The following RSF1 variants were observed in gnomAD, a reference collection of about 807,000 sequenced individuals.
RSF1 encodes the protein remodeling and spacing factor 1.
A neutral mutation model predicts 145.2 loss-of-function variants in RSF1; 13 were observed. The ratio of observed to expected loss-of-function variants is 0.09; its 90% confidence interval spans 0.06 to 0.14. The LOEUF is 0.14. Among genes scored for constraint, RSF1 ranks in the 10% least tolerant of loss-of-function variants. RSF1 has a pLI of 1.00. For missense variants in RSF1, 1,517 were observed against 1,718.2 expected, an observed-to-expected ratio of 0.88 and a Z score of 2.07; for synonymous variants, 577 against 592.6, an observed-to-expected ratio of 0.97 and a Z score of 0.38.
At chr11:77,769,986 TTGG>T (rs2135943529) in intron 1 of RSF1, among the ~76,000 whole-genome samples, 1 of 152,340 alleles carries the variant, frequency 6.6e-6, no homozygotes, top group African/African-American at 2.4e-5. Flanking sequence ...AGAAACTCTC[TTGG>T]GGGAGCAGTT....
the RSF1 span, among the ~76,000 whole-genome samples, chr11:77,863,520 C>T: frequency 6.6e-6 from 1 of 152,172 alleles, no homozygotes; most frequent in African/African-American, 2.4e-5. Context: ...TCCTGAGTAG[C>T]TGGGATTACA....
intron 5 of RSF1, among the ~76,000 whole-genome samples, chr11:77,725,001 T>C (rs1961020206): frequency 6.6e-6 from 1 of 152,098 alleles, no homozygotes; most frequent in African/African-American, 2.4e-5. Context: ...AGTGCAAGCA[T>C]TATGATTCCT....
At chr11:77,693,423 A>G (rs1167389990) in intron 8 of RSF1, 84 bp downstream of exon 8, 1 of 832,482 alleles carries the variant, frequency 1.2e-6, no homozygotes, top group Non-Finnish European at 2.0e-6. Flanking sequence ...TTGAAGGTTA[A>G]AAATATTCAT....
chr11:77,820,919 C>T (rs1365450349), upstream of RSF1: 1 of 576,116 alleles, frequency 1.7e-6, no homozygotes, highest in Non-Finnish European at 3.0e-6. Context: ...GGAGACAGAG[C>T]GGCCCTCGGC....
intron 5 of RSF1, among the ~76,000 whole-genome samples, chr11:77,718,659 A>C (rs1960873899): frequency 6.6e-6 from 1 of 152,228 alleles, no homozygotes; most frequent in Non-Finnish European, 1.5e-5. Context: ...TTATAAGATC[A>C]GAGGAACAGA....
intron 2 of RSF1, among the ~76,000 whole-genome samples, chr11:77,752,871 A>T (rs950649644): frequency 2.0e-5 from 3 of 152,308 alleles, no homozygotes; most frequent in Middle Eastern, 3.4e-3. Context: ...AACAGGTTGC[A>T]GTAAAGAAGC....
At chr11:77,869,702 C>T in the RSF1 span, 3 of 1,611,478 alleles carry the variant, frequency 1.9e-6, no homozygotes, top group Non-Finnish European at 2.5e-6. Flanking sequence ...TACCTGTCTA[C>T]TTTCTCTTTC....
At chr11:77,786,620 G>T (rs550063205) in intron 1 of RSF1, among the ~76,000 whole-genome samples, 1 of 152,100 alleles carries the variant, frequency 6.6e-6, no homozygotes, top group Non-Finnish European at 1.5e-5. Flanking sequence ...ATATACAGTG[G>T]GGAATAAAAG....
At chr11:77,765,052 G>T (rs1848526613) in intron 1 of RSF1, among the ~76,000 whole-genome samples, 1 of 151,942 alleles carries the variant, frequency 6.6e-6, no homozygotes, top group Non-Finnish European at 1.5e-5. Context: ...TATGAGTATG[G>T]GGACAGGGAT....
At chr11:77,867,503 C>T in the RSF1 span, among the ~76,000 whole-genome samples, 1 of 152,208 alleles carries the variant, frequency 6.6e-6, no homozygotes, top group African/African-American at 2.4e-5. Context: ...TTTGGTTCAT[C>T]TCAGTATTGC....
the RSF1 span, among the ~76,000 whole-genome samples, chr11:77,852,574 C>T: frequency 6.6e-6 from 1 of 152,022 alleles, no homozygotes; most frequent in Non-Finnish European, 1.5e-5. Flanking sequence ...ATGAGATTTG[C>T]GCAGGGACAC....
At chr11:77,816,006 G>A (rs1324835035) in intron 1 of RSF1, among the ~76,000 whole-genome samples, 1 of 152,114 alleles carries the variant, frequency 6.6e-6, no homozygotes, top group Non-Finnish European at 1.5e-5. Flanking sequence ...CTAGTTCCTA[G>A]GACAATGACA....
the RSF1 span, chr11:77,869,565 C>T: frequency 8.1e-6 from 5 of 616,792 alleles, no homozygotes; most frequent in African/African-American, 5.5e-5. Flanking sequence ...GATCCTGCCT[C>T]GTCAGCCTTC....
At chr11:77,766,930 A>T (rs1358722907) in intron 1 of RSF1, among the ~76,000 whole-genome samples, 1 of 152,192 alleles carries the variant, frequency 6.6e-6, no homozygotes, top group Non-Finnish European at 1.5e-5. Context: ...AAACTAAGGT[A>T]GAGGTGGTAC....
chr11:77,838,262 C>T, the RSF1 span, among the ~76,000 whole-genome samples: 15 of 152,048 alleles, frequency 9.9e-5, no homozygotes, highest in East Asian at 1.9e-4. Flanking sequence ...GGTTATAGTA[C>T]GGTTATTTAA....
At chr11:77,690,549 C>T (rs1235443043) in intron 9 of RSF1, among the ~76,000 whole-genome samples, 1 of 152,180 alleles carries the variant, frequency 6.6e-6, no homozygotes, top group Non-Finnish European at 1.5e-5. Context: ...TCTCCTGCCT[C>T]AGCCTCCGAG....
At chr11:77,742,085 T>C (rs1947946870) in intron 3 of RSF1, among the ~76,000 whole-genome samples, 2 of 152,196 alleles carry the variant, frequency 1.3e-5, no homozygotes, top group South Asian at 4.1e-4. Flanking sequence ...TTGGTTATTG[T>C]GATTAATGCT....
intron 5 of RSF1, among the ~76,000 whole-genome samples, chr11:77,705,366 A>G (rs2135859195): frequency 6.6e-6 from 1 of 152,362 alleles, no homozygotes; most frequent in South Asian, 2.1e-4. Flanking sequence ...GAGAAGTGGT[A>G]GCTACTGTGG....
chr11:77,817,377 A>T (rs1021630380), intron 1 of RSF1, among the ~76,000 whole-genome samples: 16 of 152,158 alleles, frequency 1.1e-4, no homozygotes, highest in Admixed American at 1.0e-3. Flanking sequence ...TTTTTTGTGA[A>T]TTTTACCACA....
Sources: allele counts gnomAD v4.1 joint callset (sites outside exome capture counted in the v4.1 genomes callset), GRCh38; gene constraint gnomAD v4.1.1; transcripts MANE v1.5; gene names NCBI Gene and HGNC (gene_info 2026-07-23, HGNC 2026-07-21).